The following CSMD1 variants were observed in gnomAD, a reference collection of about 807,000 sequenced individuals.
The protein encoded by CSMD1 is CUB and Sushi multiple domains 1, also known as CUB and sushi domain-containing protein 1.
CSMD1 carries 213 observed loss-of-function variants against 417.5 expected under a neutral mutation model. The ratio of observed to expected loss-of-function variants is 0.51; its 90% CI spans 0.46 to 0.57. CSMD1 has a LOEUF of 0.57. Among genes scored for constraint, CSMD1 ranks in the 20% least tolerant of loss-of-function variants. The probability of loss-of-function intolerance (pLI) is 0.00; values close to 1 mark genes in which losing one functional copy is unlikely to be tolerated. For missense variants in CSMD1, 6,923 were observed against 4,529.7 expected, an observed-to-expected ratio of 1.53 and a Z score of -15.17; for synonymous variants, 2,862 against 1,736.8, an observed-to-expected ratio of 1.65 and a Z score of -16.11.
chr8:4,294,507 C>T (rs1219805963), intron 3 of CSMD1, among the ~76,000 whole-genome samples: 2 of 152,108 alleles, frequency 1.3e-5, no homozygotes, highest in African/African-American at 2.4e-5. Context: ...AGGATAATGC[C>T]ATGAGTTCCT....
At chr8:3,902,100 G>A (rs1446065987) in intron 5 of CSMD1, among the ~76,000 whole-genome samples, 2 of 152,062 alleles carry the variant, frequency 1.3e-5, no homozygotes, top group Non-Finnish European at 2.9e-5. Context: ...AAACCAGCCT[G>A]AACACATTGC....
At chr8:3,104,465 C>A (rs956114785) in intron 46 of CSMD1, among the ~76,000 whole-genome samples, 1 of 152,138 alleles carries the variant, frequency 6.6e-6, no homozygotes, top group Non-Finnish European at 1.5e-5. Context: ...GGCCAAGGGT[C>A]TGGCCCTCTG....
intron 1 of CSMD1, among the ~76,000 whole-genome samples, chr8:4,714,213 C>T (rs1320927150): frequency 6.6e-6 from 1 of 152,122 alleles, no homozygotes; most frequent in African/African-American, 2.4e-5. Context: ...ACCGTGTTGA[C>T]GCCTCCTCTG....
chr8:3,215,546 C>A (rs1326835404), intron 29 of CSMD1, among the ~76,000 whole-genome samples: 4 of 152,244 alleles, frequency 2.6e-5, no homozygotes, highest in Non-Finnish European at 4.4e-5. Flanking sequence ...CAGAGACCTG[C>A]CCACTTCTGG....
intron 3 of CSMD1, among the ~76,000 whole-genome samples, chr8:4,241,888 T>C (rs1260063979): frequency 6.6e-6 from 1 of 152,146 alleles, no homozygotes; most frequent in Non-Finnish European, 1.5e-5. Context: ...GGAGGCAGAA[T>C]GCAAGGCATA....
At chr8:4,584,093 C>T (rs140783652) in intron 2 of CSMD1, among the ~76,000 whole-genome samples, 1 of 152,110 alleles carries the variant, frequency 6.6e-6, no homozygotes, top group African/African-American at 2.4e-5. Context: ...ACCACGAACC[C>T]ACTAGAAGGA....
At chr8:4,962,773 G>C (rs552284402) in intron 1 of CSMD1, among the ~76,000 whole-genome samples, 8 of 152,204 alleles carry the variant, frequency 5.3e-5, no homozygotes, top group African/African-American at 1.7e-4. Flanking sequence ...ATATGGCAGA[G>C]AGAGGGGACA....
intron 3 of CSMD1, among the ~76,000 whole-genome samples, chr8:4,310,601 GT>G (rs1341569020): frequency 1.3e-5 from 2 of 152,118 alleles, no homozygotes; most frequent in African/African-American, 4.8e-5. Context: ...TCTCGATGAT[GT>G]TAAATCAACA....
chr8:3,665,270 C>A (rs570215131), intron 7 of CSMD1, among the ~76,000 whole-genome samples: 1 of 152,140 alleles, frequency 6.6e-6, no homozygotes, highest in East Asian at 1.9e-4. Context: ...TCTGTAATTC[C>A]TGTAATCCCA....
At chr8:4,465,699 A>G (rs1800125210) in intron 2 of CSMD1, among the ~76,000 whole-genome samples, 1 of 152,180 alleles carries the variant, frequency 6.6e-6, no homozygotes. Context: ...CCATTAAAGG[A>G]AGAAGAATGG....
intron 1 of CSMD1, among the ~76,000 whole-genome samples, chr8:4,883,640 T>C (rs764586107): frequency 6.6e-6 from 1 of 152,144 alleles, no homozygotes; most frequent in Non-Finnish European, 1.5e-5. Context: ...ATTCATATTG[T>C]AGCATGTATT....
chr8:3,632,699 C>G (rs1003151936), intron 7 of CSMD1, among the ~76,000 whole-genome samples: 6 of 152,168 alleles, frequency 3.9e-5, no homozygotes, highest in African/African-American at 1.4e-4. Flanking sequence ...ACTATTTAGG[C>G]ACAGGAATGA....
chr8:3,440,869 C>T (rs191224129), intron 12 of CSMD1, among the ~76,000 whole-genome samples: 11 of 152,310 alleles, frequency 7.2e-5, no homozygotes, highest in East Asian at 1.9e-4. Flanking sequence ...CATGAACAGA[C>T]GTTACAGCAG....
intron 1 of CSMD1, among the ~76,000 whole-genome samples, chr8:4,670,103 T>C (rs938080539): frequency 3.3e-5 from 5 of 152,194 alleles, no homozygotes; most frequent in African/African-American, 9.6e-5. Flanking sequence ...AAGTGTAAGA[T>C]AGGGCAAACT....
rs566815159 is a variant in CSMD1, at chr8:4,475,992, C to A, written c.303-55927G>T. 4.6e-5 allele frequency among the ~76,000 whole-genome samples: 7 copies of A among 152,100 alleles called. No individual in the cohort carries two copies. In the East Asian group the frequency reaches 1.4e-3, roughly 29 times the overall value. Reference sequence around the variant, plus strand: ...TTTTTGTTTATTTGCACAGTCATATCTTTCATTTTCCGTAATTAATCAGCA... The same window carrying A: ...TTTTTGTTTATTTGCACAGTCATATATTTCATTTTCCGTAATTAATCAGCA... On this transcript the variant is annotated intron_variant, in intron 2 of 69. Coordinates refer to ENST00000635120, the MANE Select transcript of CSMD1 (RefSeq NM_033225.6).
In CSMD1 at chr8:3,029,552, T is replaced by G. The variant is rs373765051; in HGVS notation, c.7661-39A>C. ...GTACATCACATCATCATTTTTCTTT[T>G]TTGGAAAACATCAGACCGTGCTTGC... is the stretch of plus-strand genomic sequence containing the variant. On this transcript the variant is annotated intron_variant, in intron 50 of 69. Transcript: ENST00000635120. 5.4e-5 allele frequency: 83 copies of G among 1,531,982 alleles called. No homozygotes were observed. The African/African-American group carries it at 1.1e-3, about 20-fold the overall frequency. The allele number at this position is 1,531,982 out of a possible 1,614,324, so 94.9% of individuals were successfully genotyped here. A position where few individuals can be genotyped will look rare whatever the true frequency, so the allele number is the denominator to read the frequency against.
intron 5 of CSMD1, among the ~76,000 whole-genome samples, chr8:3,841,570 C>T (rs571368791): frequency 6.6e-6 from 1 of 151,968 alleles, no homozygotes; most frequent in Non-Finnish European, 1.5e-5. Context: ...AATTGTTTAT[C>T]ACAAAATCAC....
chr8:4,582,595 A>C, intron 2 of CSMD1, among the ~76,000 whole-genome samples: 1 of 152,198 alleles, frequency 6.6e-6, no homozygotes, highest in East Asian at 1.9e-4. Context: ...AAGGTCACTG[A>C]AGGGCTACAC....
intron 1 of CSMD1, among the ~76,000 whole-genome samples, chr8:4,961,609 T>G (rs2117334158): frequency 6.6e-6 from 1 of 152,296 alleles, no homozygotes; most frequent in Admixed American, 6.5e-5. Context: ...TTCTGTGCCG[T>G]TTTGTCGCTC....
Sources: gnomAD v4.1 joint callset for allele counts (sites outside exome capture counted in the v4.1 genomes callset) on GRCh38, gnomAD v4.1.1 for gene constraint, MANE v1.5 for transcripts, NCBI Gene and HGNC (gene_info 2026-07-23, HGNC 2026-07-21) for gene names.